IL36RN: variants seen among roughly 807,000 people sequenced by gnomAD.
IL36RN encodes interleukin-36 receptor antagonist protein.
In IL36RN, 11 loss-of-function variants were observed where a neutral mutation model predicts 13.0. That is an observed-to-expected ratio of 0.85 (90% CI 0.53 to 1.40). The LOEUF is 1.40. IL36RN is among the 40% of genes most tolerant of loss of function. IL36RN has a pLI of 0.00. For missense variants in IL36RN, 195 were observed against 195.3 expected (o/e 1.00, Z 0.01); for synonymous variants, 94 against 84.1 (o/e 1.12, Z -0.64).
intron 3 of IL36RN, 127 bp downstream of exon 3, chr2:113,061,064 C>A: frequency 1.3e-6 from 1 of 747,512 alleles, no homozygotes; most frequent in Non-Finnish European, 2.4e-6. Flanking sequence ...TGGGGCAGCA[C>A]AAACCAGGCT....
At chr2:113,059,881 G>A (rs535515008) in intron 2 of IL36RN, among the ~76,000 whole-genome samples, 13 of 152,192 alleles carry the variant, frequency 8.5e-5, no homozygotes, top group Admixed American at 6.5e-5. Flanking sequence ...CCATCAGTCA[G>A]TCTGTCCACC....
intron 2 of IL36RN, among the ~76,000 whole-genome samples, chr2:113,059,672 T>C (rs1573385586): frequency 1.3e-5 from 2 of 151,632 alleles, no homozygotes. Context: ...TCACAAGGGG[T>C]CCCTGATGCT....
chr2:113,060,430 C>T (rs1685618166), intron 2 of IL36RN, among the ~76,000 whole-genome samples: 1 of 152,124 alleles, frequency 6.6e-6, no homozygotes, highest in Non-Finnish European at 1.5e-5. Context: ...CAGGCTTTAA[C>T]GTGGAAGAGG....
In IL36RN at chr2:113,059,455, C is replaced by G; in HGVS notation, c.17C>G (p.Ala6Gly). 1.2e-6 allele frequency: 2 copies of G among 1,613,768 alleles called. No homozygotes were observed. Among genetic ancestry groups the G allele is most frequent in the South Asian group, 1.1e-5 (1 of 91,042 alleles). ...GAGCTCAAGATGGTCCTGAGTGGGG[C>G]GCTGTGCTTCCGGTGAGTGTATGAG... is the stretch of plus-strand genomic sequence containing the variant. The part of the protein sequence containing the change: MVLSG[A>G]LCFRMKDSAL... The change falls in exon 2 of 5, where the codon GCG becomes GGG. Residue 6 changes from alanine to glycine, a missense_variant. Physicochemically the swap from Ala to Gly is moderately conservative, Grantham distance 60 (BLOSUM62 0). Coordinates refer to ENST00000393200, the MANE Select transcript of IL36RN (RefSeq NM_012275.3).
rs1218322149 is a variant in IL36RN, at chr2:113,063,211, C to G, written c.*534C>G. On this transcript the variant is annotated 3_prime_UTR_variant, in exon 5 of 5. Transcript: ENST00000393200. ...CTACCTTTCCTATCTCTTCCCTCAT[C>G]ATCTTGTTGTGGGCATGAGGAGGTG... 5.5e-6 allele frequency: 1 copy of G among 180,606 alleles called. No homozygotes were observed. The highest frequency in any genetic ancestry group is 1.2e-5 in the Non-Finnish European group (1 of 84,070). 11.2% of individuals were successfully genotyped at this position (180,606 alleles called of 1,614,324 possible).
In IL36RN at chr2:113,062,566, G is replaced by A; in HGVS notation, c.357G>A (p.Trp119Ter). Reference protein sequence around the residue: ...SSFESAAYPGWFLCTVPEADQ... With the variant: ...SSFESAAYPG ...TCGAGTCGGCTGCCTACCCGGGCTG[G>A]TTCCTGTGCACGGTGCCTGAAGCCG... The change falls in exon 5 of 5, where the codon TGG (tryptophan) becomes TGA (stop). Residue 119 changes from tryptophan (W) to a stop codon, truncating the protein, a stop_gained. Coordinates refer to ENST00000393200, the MANE Select transcript of IL36RN (RefSeq NM_012275.3). LOFTEE classifies it low-confidence loss of function (END_TRUNC). 1.2e-6 allele frequency: 2 copies of A among 1,613,946 alleles called. No individual in the cohort carries two copies. Among genetic ancestry groups the A allele is most frequent in the Non-Finnish European group, 1.7e-6 (2 of 1,180,006 alleles).
At position 113,063,752 on chromosome 2, in the gene IL36RN, G is replaced by C. The variant is rs1176068138; in HGVS notation, c.*1075G>C. ...ATCTCAGCAAAGCCACTGAGGAGGA[G>C]GCTGTGCTGAGTTTGTGTGGCTGGA... On this transcript the variant is annotated 3_prime_UTR_variant, in exon 5 of 5. Transcript: ENST00000393200. 1 of 152,196 alleles carries C rather than the reference G, an allele frequency of 6.6e-6. No homozygotes were observed. Among genetic ancestry groups the C allele is most frequent in the Non-Finnish European group, 1.5e-5 (1 of 68,046 alleles). 9.4% of individuals were successfully genotyped at this position (152,196 alleles called of 1,614,324 possible).
chr2:113,062,172 C>A lies in IL36RN; in HGVS notation c.164C>A (p.Ser55Tyr). The A allele has an allele frequency of 1.9e-6, 3 of 1,614,014 alleles. No individual in the cohort carries two copies. Among genetic ancestry groups the A allele is most frequent in the Non-Finnish European group, 1.7e-6 (2 of 1,179,934 alleles). ...AATCGGTGGCTGGATGCCAGCCTGT[C>A]CCCCGTCATCCTGGGTGTCCAGGGT... ...VPNRWLDASLSPVILGVQGGS... is the reference protein window; with the variant it reads ...VPNRWLDASLYPVILGVQGGS... Residue 55 changes from serine (S) to tyrosine (Y), a missense_variant, in exon 4 of 5, where the codon TCC becomes TAC. Physicochemically the swap from Ser to Tyr is moderately radical, Grantham distance 144. Coordinates refer to ENST00000393200, the MANE Select transcript of IL36RN (RefSeq NM_012275.3).
intron 2 of IL36RN, 75 bp from the exon 3 acceptor site, chr2:113,060,777 G>T (rs966444788): frequency 3.9e-6 from 4 of 1,020,502 alleles, no homozygotes; most frequent in Admixed American, 1.8e-5. Flanking sequence ...AGATCAGGGG[G>T]TTCTCTGGAT....
intron 2 of IL36RN, among the ~76,000 whole-genome samples, chr2:113,060,291 A>C (rs1431046477): frequency 5.3e-5 from 8 of 152,250 alleles, no homozygotes; most frequent in Non-Finnish European, 1.2e-4. Context: ...CCAGGAAATC[A>C]ACTGAGTTCA....
upstream of IL36RN, chr2:113,059,077 G>A (rs1428863026): frequency 5.9e-6 from 2 of 340,044 alleles, no homozygotes; most frequent in African/African-American, 2.1e-5. Flanking sequence ...AGCAGCAAGT[G>A]CTTCTGGCGA....
chr2:113,060,431 G>A (rs926293036), intron 2 of IL36RN, among the ~76,000 whole-genome samples: 2 of 152,218 alleles, frequency 1.3e-5, no homozygotes, highest in Admixed American at 1.3e-4. Flanking sequence ...AGGCTTTAAC[G>A]TGGAAGAGGC....
At chr2:113,059,599 C>T (rs1230155695) in intron 2 of IL36RN, 132 bp downstream of exon 2, 1 of 1,021,248 alleles carries the variant, frequency 9.8e-7, no homozygotes, top group Non-Finnish European at 1.5e-6. Context: ...GTGACCAGCA[C>T]CTCACTGCTC....
At chr2:113,061,277 C>A (rs1685634949) in intron 3 of IL36RN, among the ~76,000 whole-genome samples, 1 of 152,196 alleles carries the variant, frequency 6.6e-6, no homozygotes, top group Non-Finnish European at 1.5e-5. Flanking sequence ...ATTCTCTATA[C>A]CTTTTTTCCC....
rs148755083 is a variant in IL36RN, at chr2:113,060,943, T to C, written c.115+6T>C. ...TGCAGGGAAGGTCATTAAAGGTTGG[T>C]GATGAAACATGACCCACTTTCCTTG... On this transcript the variant is annotated splice_donor_region_variant and intron_variant, in intron 3 of 4. Coordinates refer to ENST00000393200, the MANE Select transcript of IL36RN (RefSeq NM_012275.3). The C allele has an allele frequency of 2.4e-4, 379 of 1,608,740 alleles. 3 individuals are homozygous for C. In the East Asian group the frequency reaches 7.8e-3, roughly 33 times the overall value.
At position 113,062,755 on chromosome 2, in the gene IL36RN, T is replaced by C. The variant is rs868094803; in HGVS notation, c.*78T>C. 5.6e-6 allele frequency: 7 copies of C among 1,259,130 alleles called. No individual in the cohort carries two copies. In the Middle Eastern group the frequency reaches 1.2e-3, roughly 221 times the overall value. 78.0% of individuals were successfully genotyped at this position (1,259,130 alleles called of 1,614,324 possible). A position where few individuals can be genotyped will look rare whatever the true frequency, so the allele number is the denominator to read the frequency against. On this transcript the variant is annotated 3_prime_UTR_variant, in exon 5 of 5. Coordinates refer to ENST00000393200, the MANE Select transcript of IL36RN (RefSeq NM_012275.3). The stretch of plus-strand genomic sequence containing the variant: ...AGTGGAGGAGACCCATGGCGGACAA[T>C]CACTCTCTCTGCTCTCAGGACCCCC...
chr2:113,062,005 T>A lies in IL36RN; in HGVS notation c.116-119T>A, dbSNP rs1182265617. 20 of 1,387,764 alleles carry A rather than the reference T, an allele frequency of 1.4e-5. No individual in the cohort carries two copies. The East Asian group carries it at 5.0e-4, about 35-fold the overall frequency. The allele number at this position is 1,387,764 out of a possible 1,614,324, so 86.0% of individuals were successfully genotyped here. ...ATGTCATGACAGCTGCTGAGAAGCCTCCCTTCTGCCCAGCCTGGGGGCAGG... is the reference window on the plus strand; with the variant it reads ...ATGTCATGACAGCTGCTGAGAAGCCACCCTTCTGCCCAGCCTGGGGGCAGG... On this transcript the variant is annotated intron_variant, in intron 3 of 4. Transcript: ENST00000393200.
At chr2:113,062,277 G>C in intron 4 of IL36RN, 26 bp downstream of exon 4, 2 of 1,613,572 alleles carry the variant, frequency 1.2e-6, no homozygotes, top group Non-Finnish European at 1.7e-6. Flanking sequence ...TCCTCACTGG[G>C]GACTCAGCCA....
At position 113,062,107 on chromosome 2, in the gene IL36RN, T is replaced by G; in HGVS notation, c.116-17T>G. ...GGAAAGGCATCCAGGGCCCTGCATC[T>G]GGCCTCTTTCCCACAGGTGAAGAGA... On this transcript the variant is annotated splice_polypyrimidine_tract_variant and intron_variant, in intron 3 of 4. Coordinates refer to ENST00000393200, the MANE Select transcript of IL36RN (RefSeq NM_012275.3). The G allele has an allele frequency of 2.5e-6, 4 of 1,613,628 alleles. No individual in the cohort carries two copies. The highest frequency in any genetic ancestry group is 3.4e-6 in the Non-Finnish European group (4 of 1,179,756).
Sources: gnomAD v4.1 joint callset for allele counts (sites outside exome capture counted in the v4.1 genomes callset) on GRCh38, gnomAD v4.1.1 for gene constraint, MANE v1.5 for transcripts, NCBI Gene and HGNC (gene_info 2026-07-23, HGNC 2026-07-21) for gene names.